The following TMEM114 variants were observed in gnomAD, a reference collection of about 807,000 sequenced individuals.
TMEM114 encodes transmembrane protein 114, also known as claudin-26.
In TMEM114, 6 loss-of-function variants were observed where a neutral mutation model predicts 6.2. That is an observed-to-expected ratio of 0.97 (90% confidence interval 0.53 to 1.91). TMEM114 has a LOEUF of 1.91. TMEM114 is among the 40% of genes most tolerant of loss of function. The pLI, the probability that TMEM114 is intolerant of heterozygous loss-of-function variation, is 0.01. For synonymous variants in TMEM114, 104 were observed against 73.0 expected, an observed-to-expected ratio of 1.42 and a Z score of -2.16; for missense variants, 218 against 158.3, an observed-to-expected ratio of 1.38 and a Z score of -2.02.
At chr16:8,584,020 A>T (rs948723319) in intron 2 of TMEM114, among the ~76,000 whole-genome samples, 6 of 152,222 alleles carry the variant, frequency 3.9e-5, no homozygotes, top group Non-Finnish European at 1.5e-5. Flanking sequence ...ATGTCACCCA[A>T]TGTGGTCCAG....
intron 2 of TMEM114, among the ~76,000 whole-genome samples, chr16:8,583,681 G>C (rs145165297): frequency 6.6e-6 from 1 of 151,944 alleles, no homozygotes; most frequent in Non-Finnish European, 1.5e-5. Context: ...CTGGGAGTTC[G>C]AGGCTGCAGT....
chr16:8,526,971 G>A, the TMEM114 span, among the ~76,000 whole-genome samples: 1 of 152,232 alleles, frequency 6.6e-6, no homozygotes, highest in Non-Finnish European at 1.5e-5. Flanking sequence ...ACTTTTGGAG[G>A]CCAAGACAGG....
At chr16:8,562,329 GGAATGAGT>G (rs1401325521) in intron 2 of TMEM114, among the ~76,000 whole-genome samples, 11 of 109,844 alleles carry the variant, frequency 1.0e-4, no homozygotes, top group African/African-American at 3.8e-4. Context: ...AGGGAGGGAG[GGAATGAGT>G]GAATGAGTGA....
the TMEM114 span, among the ~76,000 whole-genome samples, chr16:8,527,298 T>C: frequency 6.6e-6 from 1 of 152,086 alleles, no homozygotes; most frequent in Admixed American, 6.5e-5. Context: ...TGAGATCTTC[T>C]CTCCAGGGAA....
chr16:8,554,512 T>C (rs186992347), intron 2 of TMEM114, among the ~76,000 whole-genome samples: 118 of 152,344 alleles, frequency 7.7e-4, no homozygotes, highest in Admixed American at 1.4e-3. Context: ...TTTGGAATCA[T>C]ACGTGTGACA....
downstream of TMEM114, among the ~76,000 whole-genome samples, chr16:8,535,634 A>G (rs934277549): frequency 1.3e-5 from 2 of 152,224 alleles, no homozygotes; most frequent in Non-Finnish European, 2.9e-5. Context: ...TCCAAACTGT[A>G]GGCACTGATC....
chr16:8,538,665 G>A lies in TMEM114; in HGVS notation n.213-839C>T, dbSNP rs1205233169. On this transcript the variant is annotated intron_variant and non_coding_transcript_variant, in intron 2 of 2. Coordinates refer to the TMEM114 transcript ENST00000623677. ...TGCGACTACAGGCGCCCGCCACCAC[G>A]CCCAGCTAATTTTTGTATTTTTAGT... Among the ~76,000 whole-genome samples, 4 of 151,920 alleles carry A rather than the reference G, an allele frequency of 2.6e-5. No homozygotes were observed. The South Asian group carries it at 6.2e-4, about 24-fold the overall frequency.
In TMEM114 at chr16:8,544,115, C is replaced by G. The variant is rs890157589; in HGVS notation, n.213-6289G>C. On this transcript the variant is annotated intron_variant and non_coding_transcript_variant, in intron 2 of 2. Transcript: ENST00000623677. ...TTTTTCCTTCACTGTGATTTTGTTG[C>G]TGTTTTTGTTTTCTGTTTCCCATTT... 2.4e-4 allele frequency among the ~76,000 whole-genome samples: 36 copies of G among 152,250 alleles called. No individual in the cohort carries two copies. The East Asian group carries it at 5.2e-3, about 22-fold the overall frequency.
At chr16:8,550,730 A>G (rs1176332576) in intron 2 of TMEM114, among the ~76,000 whole-genome samples, 1 of 150,464 alleles carries the variant, frequency 6.6e-6, no homozygotes, top group Non-Finnish European at 1.5e-5. Flanking sequence ...ACAAACAAAC[A>G]CTGGTCCCTC....
At chr16:8,577,547 G>A (rs772818039) in intron 2 of TMEM114, among the ~76,000 whole-genome samples, 23 of 151,768 alleles carry the variant, frequency 1.5e-4, no homozygotes, top group Non-Finnish European at 3.2e-4. Flanking sequence ...TTCCTGATTG[G>A]CAATGTTTTC....
At chr16:8,533,806 T>G (rs531809873), downstream of TMEM114, among the ~76,000 whole-genome samples, 1 of 152,328 alleles carries the variant, frequency 6.6e-6, no homozygotes, top group South Asian at 2.1e-4. Flanking sequence ...CAGCAGGAAC[T>G]TTGGTCTCAG....
intron 2 of TMEM114, among the ~76,000 whole-genome samples, chr16:8,541,082 A>G (rs533370565): frequency 4.1e-4 from 63 of 152,198 alleles, no homozygotes; most frequent in Admixed American, 2.0e-3. Context: ...GGGTCTAATG[A>G]TAATAATGAC....
chr16:8,576,124 G>C (rs779950600), intron 2 of TMEM114, among the ~76,000 whole-genome samples: 1 of 152,186 alleles, frequency 6.6e-6, no homozygotes, highest in African/African-American at 2.4e-5. Context: ...TGCCCAAGCA[G>C]AGGTGTAAAC....
Position 8,569,814 on chromosome 16 carries a change from G to C in TMEM114, c.631C>G (p.Arg211Gly). The C allele has an allele frequency of 2.6e-6, 4 of 1,550,856 alleles. No homozygotes were observed. The highest frequency in any genetic ancestry group is 3.5e-6 in the Non-Finnish European group (4 of 1,146,928). ...LTGAAFLAAA[R>G]ELSLRRRQDQ... ...TGCCTCCGTCTCAGGCTGAGCTCGC[G>C]GGCTGCTGCCAGGAAGGCTGCCCCG... Residue 211 changes from arginine to glycine, a missense_variant, in exon 4 of 4, where the codon CGC becomes GGC. Physicochemically the swap from Arg to Gly is moderately radical, Grantham distance 125 (BLOSUM62 -2). Transcript: ENST00000620492.
At chr16:8,563,707 G>C (rs935245011) in intron 2 of TMEM114, among the ~76,000 whole-genome samples, 3 of 148,548 alleles carry the variant, frequency 2.0e-5, no homozygotes, top group Non-Finnish European at 4.4e-5. Flanking sequence ...GTTAGTGAAT[G>C]AGTGAGTGAG....
chr16:8,580,406 G>A (rs895531747), intron 2 of TMEM114, among the ~76,000 whole-genome samples: 20 of 151,244 alleles, frequency 1.3e-4, no homozygotes, highest in African/African-American at 4.6e-4. Context: ...AGAATCACTT[G>A]AACCTGGGAG....
intron 2 of TMEM114, among the ~76,000 whole-genome samples, chr16:8,537,979 G>T (rs941206626): frequency 3.9e-5 from 6 of 152,010 alleles, no homozygotes; most frequent in South Asian, 2.1e-4. Flanking sequence ...TCATGGCAGG[G>T]GTGGGTGGGG....
the TMEM114 span, among the ~76,000 whole-genome samples, chr16:8,527,072 G>C: frequency 6.6e-6 from 1 of 152,178 alleles, no homozygotes; most frequent in Non-Finnish European, 1.5e-5. Context: ...GCCCAGTATG[G>C]TGGGCACACC....
intron 1 of TMEM114, 92 bp from the exon 2 acceptor site, chr16:8,589,385 G>A (rs1234369645): frequency 1.0e-5 from 4 of 398,594 alleles, no homozygotes; most frequent in Non-Finnish European, 1.8e-5. Context: ...CACCCTAAGT[G>A]CCCCACCCGG....
Sources: allele counts gnomAD v4.1 joint callset (sites outside exome capture counted in the v4.1 genomes callset), GRCh38; gene constraint gnomAD v4.1.1; transcripts MANE v1.5; gene names NCBI Gene and HGNC (gene_info 2026-07-23, HGNC 2026-07-21).